Variants in UNC45B observed in about 807,000 individuals in gnomAD.
UNC45B encodes the protein protein unc-45 homolog B.
In UNC45B, 78 loss-of-function variants were observed where a neutral mutation model predicts 98.7. The ratio of observed to expected loss-of-function variants is 0.79; its 90% CI spans 0.66 to 0.95. The LOEUF is 0.95. UNC45B is among the 40% of genes least tolerant of loss of function. The pLI, the probability that UNC45B is intolerant of heterozygous loss-of-function variation, is 0.00. For synonymous variants in UNC45B, 462 were observed against 480.4 expected (o/e 0.96, Z 0.50); for missense variants, 1,225 against 1,184.9 (o/e 1.03, Z -0.50).
chr17:35,188,926 C>T lies in UNC45B; in HGVS notation c.*2367C>T, dbSNP rs2092318319. The T allele has an allele frequency of 6.6e-6, 1 of 151,986 alleles. No homozygotes were observed. The highest frequency in any genetic ancestry group is 2.4e-5 in the African/African-American group (1 of 41,358). 9.4% of individuals were successfully genotyped at this position (151,986 alleles called of 1,614,324 possible). On this transcript the variant is annotated 3_prime_UTR_variant, in exon 20 of 20. Coordinates refer to ENST00000394570, the MANE Select transcript of UNC45B (RefSeq NM_001267052.2). ...TTATATTGTTGCTTGTAAGAGGGCC[C>T]TTCTTTGCAGATTTCTTTTTTTTTT...
intron 9 of UNC45B, 93 bp downstream of exon 9, chr17:35,164,259 T>C: frequency 7.1e-7 from 1 of 1,417,442 alleles, no homozygotes; most frequent in East Asian, 2.5e-5. Flanking sequence ...GCTCAAACAA[T>C]AGTGTTTTAT....
intron 15 of UNC45B, among the ~76,000 whole-genome samples, 190 bp downstream of exon 15, chr17:35,176,224 C>T (rs2142583581): frequency 6.6e-6 from 1 of 152,232 alleles, no homozygotes; most frequent in Middle Eastern, 3.4e-3. Flanking sequence ...TTTGGAATCC[C>T]ATCTATCCTC....
chr17:35,171,889 C>T (rs1327028075), intron 13 of UNC45B, among the ~76,000 whole-genome samples: 1 of 152,122 alleles, frequency 6.6e-6, no homozygotes, highest in African/African-American at 2.4e-5. Flanking sequence ...TCACAGATCC[C>T]CTGGAACCCT....
intron 13 of UNC45B, among the ~76,000 whole-genome samples, chr17:35,172,964 C>A (rs777821849): frequency 6.6e-6 from 1 of 152,086 alleles, no homozygotes; most frequent in Non-Finnish European, 1.5e-5. Flanking sequence ...TTAGGTAAGG[C>A]AAGGAAGAAG....
chr17:35,168,227 G>A lies in UNC45B; in HGVS notation c.1318G>A (p.Val440Met). ...CTCAGAGCGCGAGACGGACCAGCTGGTGGCCGTGGAGGCCCTCATCCATGC... is the reference window on the plus strand; with the variant it reads ...CTCAGAGCGCGAGACGGACCAGCTGATGGCCGTGGAGGCCCTCATCCATGC... ...CGSERETDQL[V>M]AVEALIHAST... Residue 440 changes from valine (V) to methionine (M), a missense_variant, in exon 10 of 20, where the codon GTG (valine) becomes ATG (methionine). Coordinates refer to ENST00000394570, the MANE Select transcript of UNC45B (RefSeq NM_001267052.2). The A allele has an allele frequency of 6.3e-7, 1 of 1,591,342 alleles. No individual in the cohort carries two copies. Among genetic ancestry groups the A allele is most frequent in the Non-Finnish European group, 8.6e-7 (1 of 1,167,908 alleles).
At chr17:35,176,620 C>A (rs77191019) in intron 15 of UNC45B, among the ~76,000 whole-genome samples, 11,429 of 152,104 alleles carry the variant, frequency 0.075, 544 homozygotes, top group East Asian at 0.14. Flanking sequence ...GAGGAGGTTG[C>A]AATGAGCCGA....
chr17:35,152,877 C>T lies in UNC45B; in HGVS notation c.382-16C>T. On this transcript the variant is annotated splice_polypyrimidine_tract_variant and intron_variant, in intron 4 of 19. Transcript: ENST00000394570. ...ACCCCACCTGCCTCCTTCCCCACTCCCTCCTCTCTCCTCAGCTCCGAGTGC... is the reference window on the plus strand; with the variant it reads ...ACCCCACCTGCCTCCTTCCCCACTCTCTCCTCTCTCCTCAGCTCCGAGTGC... The T allele has an allele frequency of 6.2e-7, 1 of 1,611,038 alleles. No individual in the cohort carries two copies. Among genetic ancestry groups the T allele is most frequent in the South Asian group, 1.1e-5 (1 of 91,000 alleles).
At chr17:35,153,557 C>T (rs955367408) in intron 5 of UNC45B, among the ~76,000 whole-genome samples, 3 of 151,778 alleles carry the variant, frequency 2.0e-5, no homozygotes, top group Non-Finnish European at 2.9e-5. Flanking sequence ...TTTACATTTG[C>T]AAGAACTTGA....
chr17:35,175,682 A>G (rs2092227469), intron 14 of UNC45B, among the ~76,000 whole-genome samples: 1 of 152,202 alleles, frequency 6.6e-6, no homozygotes, highest in Non-Finnish European at 1.5e-5. Flanking sequence ...GGGCACATCC[A>G]TTGAAGTTGA....
At chr17:35,156,295 G>T (rs1199742365) in intron 7 of UNC45B, among the ~76,000 whole-genome samples, 1 of 152,160 alleles carries the variant, frequency 6.6e-6, no homozygotes, top group Non-Finnish European at 1.5e-5. Flanking sequence ...GCACAATGAT[G>T]TGAATATACT....
chr17:35,168,272 G>A lies in UNC45B; in HGVS notation c.1363G>A (p.Ala455Thr), dbSNP rs201966945. The A allele has an allele frequency of 1.5e-5, 23 of 1,537,510 alleles. No individual in the cohort carries two copies. Among genetic ancestry groups the A allele is most frequent in the South Asian group, 7.6e-5 (6 of 79,160 alleles). The change falls in exon 10 of 20, where the codon GCC becomes ACC. Residue 455 changes from alanine (A) to threonine (T), a missense_variant. Physicochemically the swap from Ala to Thr is moderately conservative, Grantham distance 58. Coordinates refer to ENST00000394570, the MANE Select transcript of UNC45B (RefSeq NM_001267052.2). ...LIHASTKLSR[A>T]TFIITNGVSL... ...CCATGCCTCCACGAAGCTCAGCCGCGCCACCTTCATCATCACCAATGGAGT... is the reference window on the plus strand; with the variant it reads ...CCATGCCTCCACGAAGCTCAGCCGCACCACCTTCATCATCACCAATGGAGT...
At position 35,186,516 on chromosome 17, in the gene UNC45B, T is replaced by G; in HGVS notation, c.2747T>G (p.Leu916Arg). 1 of 1,614,210 alleles carries G rather than the reference T, an allele frequency of 6.2e-7. No individual in the cohort carries two copies. Residue 916 changes from leucine to arginine, a missense_variant, in exon 20 of 20, where the codon CTC becomes CGC. Leu to Arg is a moderately radical substitution (Grantham distance 102). Transcript: ENST00000394570. ...AEVVQTARECLIKCMDYGFIK... is the reference protein window; with the variant it reads ...AEVVQTARECRIKCMDYGFIK... Reference sequence around the variant, plus strand: ...GTGGTTCAGACAGCCCGAGAATGTCTCATCAAGTGCATGGATTATGGTTTC... The same window carrying G: ...GTGGTTCAGACAGCCCGAGAATGTCGCATCAAGTGCATGGATTATGGTTTC...
intron 15 of UNC45B, among the ~76,000 whole-genome samples, chr17:35,176,652 C>T (rs1016317484): frequency 2.0e-5 from 3 of 152,136 alleles, no homozygotes; most frequent in Non-Finnish European, 4.4e-5. Context: ...TGCAGTCCAG[C>T]CTGGGCAGCA....
At chr17:35,169,732 A>T in intron 10 of UNC45B, 105 bp from the exon 11 acceptor site, 1 of 936,000 alleles carries the variant, frequency 1.1e-6, no homozygotes, top group Non-Finnish European at 1.7e-6. Context: ...GCAAAGAAAG[A>T]GGGGCGAAGT....
At chr17:35,156,861 T>C (rs2092066124) in intron 7 of UNC45B, among the ~76,000 whole-genome samples, 1 of 152,226 alleles carries the variant, frequency 6.6e-6, no homozygotes, top group African/African-American at 2.4e-5. Context: ...AATAGTTATA[T>C]GTTTTTTTCT....
In UNC45B at chr17:35,155,417, G is replaced by C; in HGVS notation, c.761G>C (p.Gly254Ala). The C allele has an allele frequency of 2.5e-6, 4 of 1,614,172 alleles. No homozygotes were observed. Among genetic ancestry groups the C allele is most frequent in the Non-Finnish European group, 3.4e-6 (4 of 1,180,020 alleles). Residue 254 changes from glycine (G) to alanine (A), a missense_variant, in exon 7 of 20, where the codon GGG becomes GCG. Gly to Ala is a moderately conservative substitution (Grantham distance 60). Coordinates refer to ENST00000394570, the MANE Select transcript of UNC45B (RefSeq NM_001267052.2). ...CAAGCCATCATTGACTCCTTGTCTG[G>C]GGAGGACAAGCGGGAGCATCGAGGG... is the stretch of plus-strand genomic sequence containing the variant. ...LLQAIIDSLS[G>A]EDKREHRGKE...
At chr17:35,173,348 A>G (rs2092202636) in intron 13 of UNC45B, among the ~76,000 whole-genome samples, 1 of 151,512 alleles carries the variant, frequency 6.6e-6, no homozygotes, top group East Asian at 1.9e-4. Context: ...CTGGTCTCGA[A>G]CTCCTGGGCT....
At position 35,183,441 on chromosome 17, in the gene UNC45B, C is replaced by T. The variant is rs1296479578; in HGVS notation, c.2388C>T (p.Phe796=). The T allele has an allele frequency of 1.9e-6, 3 of 1,590,554 alleles. No homozygotes were observed. The East Asian group carries it at 6.8e-5, about 36-fold the overall frequency. Residue 796 remains phenylalanine, a synonymous_variant, in exon 19 of 20, where the codon TTC becomes TTT. Transcript: ENST00000394570. ...MVLHKEVQER[F]LADGNDRLKL... Reference sequence around the variant, plus strand: ...GCCTCCCACAGGTACAGGAAAGGTTCTTGGCTGACGGGAATGACCGGCTGA... The same window carrying T: ...GCCTCCCACAGGTACAGGAAAGGTTTTTGGCTGACGGGAATGACCGGCTGA...
chr17:35,159,310 T>C, intron 7 of UNC45B, 65 bp from the exon 8 acceptor site: 1 of 1,456,630 alleles, frequency 6.9e-7, no homozygotes, highest in Non-Finnish European at 9.4e-7. Flanking sequence ...GCTGCTGCTC[T>C]TCTTGGTCAT....
Sources: allele counts gnomAD v4.1 joint callset (sites outside exome capture counted in the v4.1 genomes callset), GRCh38; gene constraint gnomAD v4.1.1; transcripts MANE v1.5; gene names NCBI Gene and HGNC (gene_info 2026-07-23, HGNC 2026-07-21).